Variants in DMD observed in about 807,000 individuals in gnomAD.
DMD encodes the protein dystrophin, also known as mutant dystrophin.
In DMD, 63 loss-of-function variants were observed where a neutral mutation model predicts 330.1. The ratio of observed to expected loss-of-function variants is 0.19; its 90% CI spans 0.16 to 0.24. DMD has a LOEUF of 0.24. Among genes scored for constraint, DMD ranks in the 10% least tolerant of loss-of-function variants. DMD has a pLI of 1.00. For missense variants in DMD, 3,344 were observed against 2,684.1 expected, an observed-to-expected ratio of 1.25 and a Z score of -5.43; for synonymous variants, 1,223 against 959.8, an observed-to-expected ratio of 1.27 and a Z score of -5.07.
At chrX:33,267,155 A>G (rs1167579398) in intron 1 of DMD, among the ~76,000 whole-genome samples, 1 of 111,757 alleles carries the variant, frequency 8.9e-6, no homozygotes, top group Non-Finnish European at 1.9e-5. Flanking sequence ...TTCAAGATAT[A>G]CAATACATAA....
intron 42 of DMD, among the ~76,000 whole-genome samples, chrX:32,300,349 G>C (rs768337632): frequency 1.2e-4 from 13 of 111,577 alleles, no homozygotes; most frequent in Non-Finnish European, 2.5e-4. Flanking sequence ...AAGTCCACAT[G>C]CATTTCCTGG....
intron 51 of DMD, among the ~76,000 whole-genome samples, chrX:31,739,004 G>A (rs2087092695): frequency 9.0e-6 from 1 of 111,307 alleles, no homozygotes; most frequent in Non-Finnish European, 1.9e-5. Flanking sequence ...GAATGAGTAA[G>A]ACCTACTATT....
rs189425082 is a variant in DMD, at chrX:32,519,825, A to T, written c.2169-1694T>A. Among the ~76,000 whole-genome samples, 50 of 112,360 alleles carry T rather than the reference A, an allele frequency of 4.4e-4. No individual in the cohort carries two copies. In the Admixed American group the frequency reaches 4.6e-3, roughly 10 times the overall value. ...TGTTGCAGGCTATTGTTTAAAAATT[A>T]AACAGATACAGAAATTAATGGAACA... On this transcript the variant is annotated intron_variant, in intron 17 of 78. Coordinates refer to ENST00000357033, the MANE Select transcript of DMD (RefSeq NM_004006.3).
intron 7 of DMD, among the ~76,000 whole-genome samples, chrX:32,780,924 T>C (rs1428972993): frequency 9.8e-6 from 1 of 102,410 alleles, no homozygotes; most frequent in Admixed American, 1.0e-4. Context: ...ACCCCGTCTC[T>C]ACTAAAAATA....
At chrX:32,115,915 C>T (rs1195139232) in intron 44 of DMD, among the ~76,000 whole-genome samples, 1 of 111,835 alleles carries the variant, frequency 8.9e-6, no homozygotes, top group Non-Finnish European at 1.9e-5. Flanking sequence ...TTCACTATTG[C>T]TTCCATTTCA....
At chrX:32,811,013 G>A (rs766573398) in intron 6 of DMD, among the ~76,000 whole-genome samples, 4 of 109,654 alleles carry the variant, frequency 3.6e-5, no homozygotes, top group South Asian at 4.0e-4. Flanking sequence ...TCACTGATAA[G>A]TTCTTCCCTG....
At chrX:32,560,105 T>C (rs1366663123) in intron 16 of DMD, among the ~76,000 whole-genome samples, 2 of 109,848 alleles carry the variant, frequency 1.8e-5, no homozygotes, top group Admixed American at 9.8e-5. Context: ...TAATAAGTCA[T>C]ACAACTTTCC....
chrX:32,938,567 C>A (rs1212137009), intron 2 of DMD, among the ~76,000 whole-genome samples: 1 of 111,831 alleles, frequency 8.9e-6, no homozygotes, highest in African/African-American at 3.2e-5. Flanking sequence ...ACTAGGAATA[C>A]AACAGGTTTT....
At chrX:33,115,814 A>C (rs373168196) in intron 1 of DMD, among the ~76,000 whole-genome samples, 1 of 110,673 alleles carries the variant, frequency 9.0e-6, no homozygotes, top group Non-Finnish European at 1.9e-5. Context: ...CGGCCAAAAG[A>C]AAACGTTTCT....
At chrX:31,266,327 T>C (rs2051111684) in intron 62 of DMD, among the ~76,000 whole-genome samples, 1 of 111,188 alleles carries the variant, frequency 9.0e-6, no homozygotes, top group African/African-American at 3.3e-5. Context: ...TCAGTTGGAA[T>C]CCTCGGAAGA....
intron 51 of DMD, among the ~76,000 whole-genome samples, chrX:31,754,986 TATTA>T (rs1409712218): frequency 8.9e-6 from 1 of 112,029 alleles, no homozygotes; most frequent in Non-Finnish European, 1.9e-5. Flanking sequence ...TTAAAATATT[TATTA>T]ATTACATATG....
At chrX:31,332,920 C>T (rs891389282) in intron 61 of DMD, among the ~76,000 whole-genome samples, 3 of 111,655 alleles carry the variant, frequency 2.7e-5, no homozygotes, top group African/African-American at 9.8e-5. Context: ...GTGAGGAATC[C>T]CAGGGTAACC....
intron 18 of DMD, among the ~76,000 whole-genome samples, chrX:32,506,420 TAAA>T (rs57359370): frequency 1.5e-4 from 11 of 71,477 alleles, no homozygotes; most frequent in South Asian, 7.1e-4. Flanking sequence ...TACAAAATGC[TAAA>T]AAAAAAAAAA....
intron 44 of DMD, among the ~76,000 whole-genome samples, chrX:31,998,131 T>G (rs1291561376): frequency 8.9e-6 from 1 of 111,737 alleles, no homozygotes; most frequent in East Asian, 2.8e-4. Flanking sequence ...AACTACATTT[T>G]ATCACATTAA....
intron 59 of DMD, among the ~76,000 whole-genome samples, chrX:31,465,180 T>C (rs143314673): frequency 0.016 from 1,793 of 111,856 alleles, 29 homozygotes; most frequent in East Asian, 0.085. Flanking sequence ...TAATTTCACA[T>C]TGAATAAATA....
chrX:32,997,591 T>C (rs754665503), intron 2 of DMD, among the ~76,000 whole-genome samples: 3 of 112,011 alleles, frequency 2.7e-5, no homozygotes, highest in Non-Finnish European at 5.6e-5. Flanking sequence ...ATTCTCTATG[T>C]TCATGAAAAT....
intron 44 of DMD, among the ~76,000 whole-genome samples, chrX:32,147,880 T>C (rs867707345): frequency 1.4e-4 from 14 of 101,299 alleles, no homozygotes; most frequent in East Asian, 6.1e-4. Flanking sequence ...ATTTCTTCTT[T>C]TTTTTTTTTT....
At chrX:32,392,479 C>G (rs776190893) in intron 30 of DMD, among the ~76,000 whole-genome samples, 1 of 110,680 alleles carries the variant, frequency 9.0e-6, no homozygotes, top group Admixed American at 9.7e-5. Flanking sequence ...AGGATGGTCT[C>G]GAATGCCTGA....
At chrX:32,932,594 G>A (rs975862503) in intron 2 of DMD, among the ~76,000 whole-genome samples, 1 of 112,061 alleles carries the variant, frequency 8.9e-6, no homozygotes, top group Non-Finnish European at 1.9e-5. Flanking sequence ...GGTGAAGAAA[G>A]GAGAGTCGTG....
Sources: gnomAD v4.1 joint callset for allele counts (sites outside exome capture counted in the v4.1 genomes callset) on GRCh38, gnomAD v4.1.1 for gene constraint, MANE v1.5 for transcripts, NCBI Gene and HGNC (gene_info 2026-07-23, HGNC 2026-07-21) for gene names.